Variants in THOC7 observed in about 807,000 individuals in gnomAD.
THOC7 encodes the protein NIF3L1-binding protein 1.
In THOC7, 22 loss-of-function variants were observed where a neutral mutation model predicts 33.1. That is an observed-to-expected ratio of 0.66 (90% CI 0.47 to 0.95). The LOEUF (loss-of-function observed/expected upper bound fraction) is 0.95. Among genes scored for constraint, THOC7 ranks in the 40% least tolerant of loss-of-function variants. The pLI is 0.00. For missense variants in THOC7, 184 were observed against 245.3 expected, an observed-to-expected ratio of 0.75 and a Z score of 1.67; for synonymous variants, 77 against 76.8, an observed-to-expected ratio of 1.00 and a Z score of -0.01.
intron 5 of THOC7, among the ~76,000 whole-genome samples, chr3:63,835,774 G>C (rs899049460): frequency 3.3e-5 from 5 of 151,900 alleles, no homozygotes; most frequent in Non-Finnish European, 5.9e-5. Context: ...TCTATCCTGG[G>C]CCTTTTTATC....
chr3:63,854,817 G>A (rs997488671), intron 1 of THOC7: 2 of 152,018 alleles, frequency 1.3e-5, no homozygotes, highest in African/African-American at 4.8e-5. Context: ...GACCATCCCG[G>A]CTAAAACGCT....
intron 1 of THOC7, among the ~76,000 whole-genome samples, chr3:63,854,176 T>C (rs1702068822): frequency 6.6e-6 from 1 of 152,182 alleles, no homozygotes; most frequent in Admixed American, 6.5e-5. Context: ...ATGTATAAAG[T>C]ACAGAGCACA....
intron 1 of THOC7, among the ~76,000 whole-genome samples, chr3:63,850,255 C>A (rs1365578532): frequency 6.6e-6 from 1 of 152,040 alleles, no homozygotes; most frequent in Non-Finnish European, 1.5e-5. Context: ...GGCTAGAGTG[C>A]GGTGGTGTGA....
chr3:63,836,349 G>C lies in THOC7; in HGVS notation c.362C>G (p.Ala121Gly). Residue 121 changes from alanine to glycine, a missense_variant, in exon 5 of 8, where the codon GCT (alanine) becomes GGT (glycine). Physicochemically the swap from Ala to Gly is moderately conservative, Grantham distance 60. Around this residue, in one of 3 missense-constraint regions of THOC7, gnomAD observed 157 missense variants for 201.3 expected, o/e 0.78. Coordinates refer to ENST00000295899, the MANE Select transcript of THOC7 (RefSeq NM_025075.4). ...RIRKNRQEYD[A>G]LAKVIQHHPD... is the part of the protein sequence containing the mutation. Reference sequence around the variant, plus strand: ...ATGGTGCTGAATCACTTTTGCCAAAGCATCATATTCTGTAAGACATAAAAA... The same window carrying C: ...ATGGTGCTGAATCACTTTTGCCAAACCATCATATTCTGTAAGACATAAAAA... The C allele has an allele frequency of 6.2e-7, 1 of 1,612,372 alleles. No individual in the cohort carries two copies. The highest frequency in any genetic ancestry group is 1.7e-4 in the Middle Eastern group (1 of 6,050).
At chr3:63,852,044 G>GCT (rs1702029239) in intron 1 of THOC7, among the ~76,000 whole-genome samples, 1 of 152,146 alleles carries the variant, frequency 6.6e-6, no homozygotes, top group Admixed American at 6.5e-5. Flanking sequence ...CTGGCACAGT[G>GCT]CTCCTCGGCC....
intron 1 of THOC7, among the ~76,000 whole-genome samples, chr3:63,857,322 G>A (rs1226021758): frequency 6.6e-6 from 1 of 152,036 alleles, no homozygotes; most frequent in East Asian, 1.9e-4. Flanking sequence ...TCATTCTCAG[G>A]TACTTCATTT....
At chr3:63,859,333 C>G (rs1461426157) in intron 1 of THOC7, among the ~76,000 whole-genome samples, 1 of 152,226 alleles carries the variant, frequency 6.6e-6, no homozygotes, top group Non-Finnish European at 1.5e-5. Flanking sequence ...GTCTCCTTTC[C>G]AAAGCCTGCA....
intron 1 of THOC7, among the ~76,000 whole-genome samples, chr3:63,862,654 C>T (rs887977132): frequency 6.6e-6 from 1 of 152,204 alleles, no homozygotes; most frequent in Non-Finnish European, 1.5e-5. Flanking sequence ...CACTGTTCTT[C>T]CCATGGCCAG....
At chr3:63,863,508 T>A in intron 1 of THOC7, 1 of 1,185,502 alleles carries the variant, frequency 8.4e-7, no homozygotes, top group Non-Finnish European at 1.0e-6. Context: ...GCACACCCTA[T>A]AGCCCCGCGC....
chr3:63,846,291 T>C, intron 1 of THOC7: 1 of 413,042 alleles, frequency 2.4e-6, no homozygotes, highest in Non-Finnish European at 4.8e-6. Context: ...CCAAGCGACT[T>C]GCACTCCCTG....
chr3:63,838,294 A>C, intron 3 of THOC7, 78 bp downstream of exon 3: 2 of 1,093,124 alleles, frequency 1.8e-6, no homozygotes, highest in Non-Finnish European at 2.6e-6. Context: ...TTTACCACCA[A>C]AGAAAATTGT....
intron 1 of THOC7, among the ~76,000 whole-genome samples, chr3:63,844,008 T>C (rs556329168): frequency 6.6e-6 from 1 of 151,920 alleles, no homozygotes; most frequent in East Asian, 1.9e-4. Context: ...AACAATGAAA[T>C]ACTATTCAAC....
intron 1 of THOC7, chr3:63,860,873 G>A (rs890482764): frequency 2.6e-5 from 4 of 152,136 alleles, no homozygotes; most frequent in African/African-American, 7.2e-5. Flanking sequence ...TGGCTAGTAG[G>A]CAGAAGGTCA....
chr3:63,835,329 C>G lies in THOC7; in HGVS notation c.472G>C (p.Asp158His), dbSNP rs140289523. 5.1e-5 allele frequency: 82 copies of G among 1,613,412 alleles called. No homozygotes were observed. The highest frequency in any genetic ancestry group is 5.2e-5 in the Non-Finnish European group (61 of 1,179,738). ...CTAAATATATATGCGAATACCTTATCTTCAACACTTTCTTTAATGTGTGAA... is the reference window on the plus strand; with the variant it reads ...CTAAATATATATGCGAATACCTTATGTTCAACACTTTCTTTAATGTGTGAA... ...HLSHIKESVEDKLELRRKQFH... is the reference protein window; with the variant it reads ...HLSHIKESVEHKLELRRKQFH... The change falls in exon 6 of 8, where the codon GAT becomes CAT. Residue 158 changes from aspartate to histidine, a missense_variant. Around this residue, in one of 3 missense-constraint regions of THOC7, gnomAD observed 157 missense variants for 201.3 expected, o/e 0.78. Coordinates refer to ENST00000295899, the MANE Select transcript of THOC7 (RefSeq NM_025075.4).
intron 1 of THOC7, among the ~76,000 whole-genome samples, chr3:63,859,134 ACATCG>A (rs1702162654): frequency 1.3e-5 from 2 of 152,218 alleles, no homozygotes; most frequent in African/African-American, 4.8e-5. Flanking sequence ...TTCCACACTA[ACATCG>A]CTCTAATCCA....
At chr3:63,837,951 A>T (rs762130659) in intron 4 of THOC7, 25 bp downstream of exon 4, 1 of 1,593,658 alleles carries the variant, frequency 6.3e-7, no homozygotes, top group South Asian at 1.1e-5. Flanking sequence ...ATGTATTTGC[A>T]CATTAAATCC....
chr3:63,851,574 A>C (rs1227821702), intron 1 of THOC7, among the ~76,000 whole-genome samples: 2 of 152,224 alleles, frequency 1.3e-5, no homozygotes, highest in Non-Finnish European at 2.9e-5. Flanking sequence ...GCCAGTTTAA[A>C]TCTTCCGTGG....
intron 1 of THOC7, among the ~76,000 whole-genome samples, chr3:63,849,860 A>G (rs1462695891): frequency 6.6e-6 from 1 of 152,196 alleles, no homozygotes; most frequent in Non-Finnish European, 1.5e-5. Context: ...TCAAATAACA[A>G]AAACGGCTGT....
intron 4 of THOC7, among the ~76,000 whole-genome samples, chr3:63,837,130 G>C (rs1247293281): frequency 6.6e-6 from 1 of 151,662 alleles, no homozygotes; most frequent in Non-Finnish European, 1.5e-5. Context: ...TTTTAGAACT[G>C]AGCATATTAA....
Sources: gnomAD v4.1 joint callset for allele counts (sites outside exome capture counted in the v4.1 genomes callset) on GRCh38, gnomAD v4.1.1 for gene constraint, gnomAD v4.1.1 regional missense constraint, MANE v1.5 for transcripts, NCBI Gene and HGNC (gene_info 2026-07-23, HGNC 2026-07-21) for gene names.